Variants in CADM2 observed in about 807,000 individuals in gnomAD.
CADM2 encodes immunoglobulin superfamily member 4D.
In CADM2, 12 loss-of-function variants were observed where a neutral mutation model predicts 49.8. The ratio of observed to expected loss-of-function variants is 0.24; its 90% CI spans 0.15 to 0.39. The LOEUF (loss-of-function observed/expected upper bound fraction) is 0.39, where lower values mean the gene tolerates loss of function less well. Ranked by LOEUF, CADM2 falls within the 10% of genes least tolerant of loss-of-function variation. The pLI, the probability that CADM2 is intolerant of heterozygous loss-of-function variation, is 1.00. For missense variants in CADM2, 378 were observed against 492.3 expected (o/e 0.77, Z 2.20); for synonymous variants, 214 against 175.4 (o/e 1.22, Z -1.74).
chr3:85,518,878 C>T (rs936775579), intron 1 of CADM2, among the ~76,000 whole-genome samples: 1 of 152,058 alleles, frequency 6.6e-6, no homozygotes, highest in African/African-American at 2.4e-5. Flanking sequence ...TATAAAATAA[C>T]ATTTACAGAT....
chr3:86,030,336 C>A (rs1734412117), intron 8 of CADM2, among the ~76,000 whole-genome samples: 1 of 151,898 alleles, frequency 6.6e-6, no homozygotes, highest in Non-Finnish European at 1.5e-5. Context: ...CTGTTGAAAT[C>A]TCAGAAACAC....
intron 1 of CADM2, among the ~76,000 whole-genome samples, chr3:85,149,766 G>A (rs940117982): frequency 5.9e-5 from 9 of 152,084 alleles, no homozygotes; most frequent in Non-Finnish European, 1.3e-4. Flanking sequence ...TTATAGACAC[G>A]TTTTATTTTA....
At chr3:85,212,868 T>TCTCTCTCTC (rs1194802348) in intron 1 of CADM2, among the ~76,000 whole-genome samples, 2 of 97,910 alleles carry the variant, frequency 2.0e-5, no homozygotes, top group African/African-American at 3.6e-5. Context: ...CTTTCTTTCT[T>TCTCTCTCTC]TCTTTCTTTC....
chr3:86,059,632 C>A (rs1738380308), intron 8 of CADM2, among the ~76,000 whole-genome samples: 1 of 152,126 alleles, frequency 6.6e-6, no homozygotes, highest in Non-Finnish European at 1.5e-5. Flanking sequence ...ATGTATTTAT[C>A]TGAATAACAA....
intron 1 of CADM2, among the ~76,000 whole-genome samples, chr3:85,013,834 TA>T (rs1367926100): frequency 6.8e-5 from 10 of 147,628 alleles, no homozygotes; most frequent in Non-Finnish European, 1.2e-4. Flanking sequence ...TAATTAATAT[TA>T]ATATAATATT....
At chr3:85,173,304 T>C (rs1006127562) in intron 1 of CADM2, among the ~76,000 whole-genome samples, 26 of 152,204 alleles carry the variant, frequency 1.7e-4, no homozygotes, top group African/African-American at 6.0e-4. Context: ...CTAAGACTTC[T>C]ATAAATCAGT....
intron 1 of CADM2, among the ~76,000 whole-genome samples, chr3:85,358,145 A>G (rs13320904): frequency 0.042 from 6,370 of 152,198 alleles, 202 homozygotes; most frequent in Non-Finnish European, 0.056. Flanking sequence ...TGCAAATTGT[A>G]TAATGAATGC....
rs182469785 is a variant in CADM2 at position 85,297,845 on chromosome 3, G to C, written c.61+338177G>C. On this transcript the variant is annotated intron_variant, in intron 1 of 9. Coordinates refer to ENST00000383699, the MANE Select transcript of CADM2 (RefSeq NM_001167675.2). ...CAAATGGAATATAACCTTGTCAAGG[G>C]CAAGGAATTTGTCCTGAACACTCCT... Among the ~76,000 whole-genome samples the C allele has an allele frequency of 1.8e-3, 273 of 152,024 alleles. 1 individual carries two copies. Among genetic ancestry groups the C allele is most frequent in the African/African-American group, 6.3e-3 (263 of 41,488 alleles).
At chr3:85,154,868 A>C (rs1454602711) in intron 1 of CADM2, among the ~76,000 whole-genome samples, 9 of 150,616 alleles carry the variant, frequency 6.0e-5, no homozygotes, top group African/African-American at 1.5e-4. Context: ...GAAATAAAAT[A>C]CTTTACAGAC....
chr3:85,966,569 G>A (rs779133803), intron 8 of CADM2, among the ~76,000 whole-genome samples: 1 of 151,302 alleles, frequency 6.6e-6, no homozygotes, highest in Non-Finnish European at 1.5e-5. Flanking sequence ...CACAGATTTC[G>A]TTTTCTTTAC....
chr3:85,411,570 T>A (rs2035658055), intron 1 of CADM2, among the ~76,000 whole-genome samples: 1 of 152,176 alleles, frequency 6.6e-6, no homozygotes. Context: ...CAGATTTCCC[T>A]ACTGAACAGC....
intron 6 of CADM2, among the ~76,000 whole-genome samples, chr3:85,926,070 G>T (rs1719802294): frequency 6.6e-6 from 1 of 151,704 alleles, no homozygotes; most frequent in Non-Finnish European, 1.5e-5. Flanking sequence ...CCGGGAGGAG[G>T]AGCTTGCAGT....
chr3:85,749,488 G>A (rs1252976222), intron 2 of CADM2, among the ~76,000 whole-genome samples: 2 of 151,700 alleles, frequency 1.3e-5, no homozygotes, highest in African/African-American at 4.8e-5. Flanking sequence ...AATCAATTTT[G>A]TTAGAAATTG....
chr3:85,665,864 C>A (rs1438547057), intron 1 of CADM2, among the ~76,000 whole-genome samples: 1 of 151,834 alleles, frequency 6.6e-6, no homozygotes, highest in Non-Finnish European at 1.5e-5. Context: ...GGATCCAGAG[C>A]AATAAGTAAT....
intron 1 of CADM2, among the ~76,000 whole-genome samples, chr3:85,429,445 T>G (rs1240978979): frequency 4.6e-5 from 7 of 152,144 alleles, no homozygotes; most frequent in Non-Finnish European, 8.8e-5. Flanking sequence ...TATAGGGTTT[T>G]AATTATATAT....
chr3:84,959,334 C>A lies in CADM2; in HGVS notation c.-274C>A, dbSNP rs2030210995. ...CGCCGAGAGGAAGGCAAGCTCCAAA[C>A]CCCTGCCTGGAAGACGGGCTGTCGC... On this transcript the variant is annotated 5_prime_UTR_variant, in exon 1 of 10. Transcript: ENST00000383699. 7 of 560,250 alleles carry A rather than the reference C, an allele frequency of 1.2e-5. No homozygotes were observed. In the South Asian group the frequency reaches 1.4e-4, roughly 12 times the overall value. The allele number at this position is 560,250 out of a possible 1,614,324, so 34.7% of individuals were successfully genotyped here.
chr3:86,035,226 C>G (rs942928955), intron 8 of CADM2, among the ~76,000 whole-genome samples: 53 of 152,182 alleles, frequency 3.5e-4, no homozygotes, highest in Middle Eastern at 3.4e-3. Context: ...CGTGATCTCT[C>G]TTGAACCTGA....
rs868580033 is a variant in CADM2, at chr3:85,769,515, G to A, written c.89-32532G>A. ...TATATACATATATGTATATATACAC[G>A]TATATACATATATGTATATATACAC... On this transcript the variant is annotated intron_variant, in intron 2 of 9. Transcript: ENST00000383699. 6.6e-4 allele frequency among the ~76,000 whole-genome samples: 20 copies of A among 30,234 alleles called. 2 individuals carry two copies. Among genetic ancestry groups the A allele is most frequent in the African/African-American group, 1.4e-3 (10 of 7,250 alleles). The allele number at this position is 30,234 out of a possible 152,430, so 19.8% of individuals were successfully genotyped here.
chr3:85,673,496 A>G (rs2065805457), intron 1 of CADM2, among the ~76,000 whole-genome samples: 1 of 151,470 alleles, frequency 6.6e-6, no homozygotes, highest in African/African-American at 2.4e-5. Context: ...TGCTATTAAA[A>G]AAAAAAAAAA....
Sources: allele counts gnomAD v4.1 joint callset (sites outside exome capture counted in the v4.1 genomes callset), GRCh38; gene constraint gnomAD v4.1.1; transcripts MANE v1.5; gene names NCBI Gene and HGNC (gene_info 2026-07-23, HGNC 2026-07-21).